COX6B1: variants seen among roughly 807,000 people sequenced by gnomAD.
The protein encoded by COX6B1 is cytochrome c oxidase subunit 6B1.
A neutral mutation model predicts 14.0 loss-of-function variants in COX6B1; 2 were observed. The observed-to-expected ratio is 0.14, with a 90% CI of 0.06 to 0.45. The LOEUF (loss-of-function observed/expected upper bound fraction) is 0.45. COX6B1 is among the 20% of genes least tolerant of loss of function. The probability of loss-of-function intolerance (pLI) is 0.98; values close to 1 mark genes in which losing one functional copy is unlikely to be tolerated. For synonymous variants in COX6B1, 30 were observed against 39.7 expected (o/e 0.76, Z 0.92); for missense variants, 81 against 114.2 (o/e 0.71, Z 1.33).
At position 35,658,636 on chromosome 19, in the gene COX6B1, G is replaced by A. The variant is rs368231191; in HGVS notation, c.250G>A (p.Gly84Arg). The A allele has an allele frequency of 7.4e-6, 12 of 1,613,852 alleles. No individual in the cohort carries two copies. Among genetic ancestry groups the A allele is most frequent in the Middle Eastern group, 1.6e-4 (1 of 6,084 alleles). The change falls in exon 4 of 4, where the codon GGG (glycine) becomes AGG (arginine). Residue 84 changes from glycine (G) to arginine (R), a missense_variant. Coordinates refer to ENST00000649813, the MANE Select transcript of COX6B1 (RefSeq NM_001863.5). ...GCAACGGGCTGAAGGCACGTTTCCC[G>A]GGAAGATCTGAACTGGCTGCATCTC... ...DEQRAEGTFP[G>R]KI
Position 35,654,706 on chromosome 19 carries a change from G to C in COX6B1, c.207+35G>C. 1.9e-6 allele frequency: 3 copies of C among 1,594,564 alleles called. No homozygotes were observed. The East Asian group carries it at 6.7e-5, about 36-fold the overall frequency. ...TCCTGCCAGGGCCCTTGGGATGCTG[G>C]GGTGGGGTCTTAGCAGAGGGGAGTG... is the stretch of plus-strand genomic sequence containing the variant. On this transcript the variant is annotated intron_variant, in intron 3 of 3. Coordinates refer to ENST00000649813, the MANE Select transcript of COX6B1 (RefSeq NM_001863.5).
At chr19:35,654,510 A>T in intron 2 of COX6B1, 61 bp from the exon 3 acceptor site, 1 of 1,337,768 alleles carries the variant, frequency 7.5e-7, no homozygotes. Flanking sequence ...CCTACCTCAA[A>T]AAAAAAAAAA....
intron 2 of COX6B1, among the ~76,000 whole-genome samples, chr19:35,651,897 G>A (rs536106868): frequency 5.3e-5 from 8 of 151,584 alleles, no homozygotes; most frequent in African/African-American, 1.9e-4. Context: ...CTGTATGTGT[G>A]TGCGTACTGT....
chr19:35,652,290 C>T (rs1046162546), intron 2 of COX6B1, among the ~76,000 whole-genome samples: 3 of 151,994 alleles, frequency 2.0e-5, no homozygotes, highest in Non-Finnish European at 4.4e-5. Flanking sequence ...CTCGGCCTCC[C>T]AAAATGCTGG....
At chr19:35,652,032 CTTTT>C (rs566646791) in intron 2 of COX6B1, among the ~76,000 whole-genome samples, 1 of 142,990 alleles carries the variant, frequency 7.0e-6, no homozygotes. Flanking sequence ...TCCCTGCCTT[CTTTT>C]TTTTTTTTTT....
chr19:35,651,171 G>T, intron 1 of COX6B1, 62 bp from the exon 2 acceptor site: 1 of 971,042 alleles, frequency 1.0e-6, no homozygotes, highest in South Asian at 1.3e-5. Flanking sequence ...ATTGATCCTG[G>T]GTAGTCTGGC....
At chr19:35,649,910 T>C (rs563070577) in intron 1 of COX6B1, among the ~76,000 whole-genome samples, 1 of 152,070 alleles carries the variant, frequency 6.6e-6, no homozygotes, top group East Asian at 1.9e-4. Context: ...GTGTGAACCA[T>C]TGTGCTCCAC....
At chr19:35,649,507 C>A (rs1967800689) in intron 1 of COX6B1, among the ~76,000 whole-genome samples, 2 of 148,316 alleles carry the variant, frequency 1.3e-5, no homozygotes, top group Non-Finnish European at 3.0e-5. Flanking sequence ...GAGACAAGAT[C>A]TTGCTGTATC....
chr19:35,657,251 G>A (rs991406185), intron 3 of COX6B1, among the ~76,000 whole-genome samples: 2 of 151,476 alleles, frequency 1.3e-5, no homozygotes, highest in Admixed American at 6.6e-5. Context: ...AGATCATCAG[G>A]CATTAGATTC....
rs1967822637 is a variant in COX6B1, at chr19:35,651,354, G to T, written c.106+5G>T. On this transcript the variant is annotated splice_donor_5th_base_variant and intron_variant, in intron 2 of 3. Coordinates refer to ENST00000649813, the MANE Select transcript of COX6B1 (RefSeq NM_001863.5). The stretch of plus-strand genomic sequence containing the variant: ...ACTGCTGGCAGAACTACCTGGGTAA[G>T]CAGGACCTTTCCCTGGCCACATACC... 1 of 1,611,170 alleles carries T rather than the reference G, an allele frequency of 6.2e-7. No homozygotes were observed. The highest frequency in any genetic ancestry group is 1.1e-5 in the South Asian group (1 of 91,022).
intron 2 of COX6B1, among the ~76,000 whole-genome samples, chr19:35,653,311 TG>T (rs1967850603): frequency 7.0e-6 from 1 of 143,790 alleles, no homozygotes; most frequent in African/African-American, 2.6e-5. Context: ...CTCGCTCTGT[TG>T]CCCAGGCTGG....
chr19:35,651,373 A>G (rs1394903322), intron 2 of COX6B1, 24 bp downstream of exon 2: 3 of 1,573,060 alleles, frequency 1.9e-6, no homozygotes, highest in Non-Finnish European at 2.6e-6. Context: ...TTCCCTGGCC[A>G]CATACCTCGA....
intron 3 of COX6B1, among the ~76,000 whole-genome samples, chr19:35,657,541 G>T (rs1057133970): frequency 3.3e-5 from 5 of 151,744 alleles, no homozygotes; most frequent in Non-Finnish European, 7.4e-5. Context: ...ATGTGAGCGT[G>T]TATGTATATA....
At chr19:35,652,958 C>A (rs1327983444) in intron 2 of COX6B1, among the ~76,000 whole-genome samples, 1 of 149,224 alleles carries the variant, frequency 6.7e-6, no homozygotes. Flanking sequence ...GCCACCACAC[C>A]CAGCTAATTT....
In COX6B1 at chr19:35,649,347, G is replaced by A. The variant is rs147460971; in HGVS notation, c.-12+944G>A. ...TTGTTTTTCTCCTTTTTTGAGACAG[G>A]GTCACTGTGTCACCCAGGCTGGCGT... On this transcript the variant is annotated intron_variant, in intron 1 of 3. Coordinates refer to ENST00000649813, the MANE Select transcript of COX6B1 (RefSeq NM_001863.5). Among the ~76,000 whole-genome samples the A allele has an allele frequency of 3.3e-5, 5 of 151,396 alleles. No individual in the cohort carries two copies. In the East Asian group the frequency reaches 9.6e-4, roughly 29 times the overall value.
At chr19:35,650,895 C>T (rs1353479950) in intron 1 of COX6B1, among the ~76,000 whole-genome samples, 1 of 152,024 alleles carries the variant, frequency 6.6e-6, no homozygotes, top group Non-Finnish European at 1.5e-5. Flanking sequence ...CTCGTCTGGG[C>T]AATGGTGATA....
rs546097322 is a variant in COX6B1, at chr19:35,649,873, C to G, written c.-11-1360C>G. ...CTGGGCTCAAGCGATCCTCCCACCT[C>G]AGCATTCCAAAGTGCTGGGATTACA... On this transcript the variant is annotated intron_variant, in intron 1 of 3. Transcript: ENST00000649813. Among the ~76,000 whole-genome samples the G allele has an allele frequency of 1.3e-4, 20 of 152,116 alleles. No individual in the cohort carries two copies. The South Asian group carries it at 3.5e-3, about 27-fold the overall frequency.
intron 3 of COX6B1, among the ~76,000 whole-genome samples, chr19:35,656,214 G>T (rs2146373338): frequency 6.6e-6 from 1 of 152,302 alleles, no homozygotes; most frequent in African/African-American, 2.4e-5. Context: ...GTACAAAGAT[G>T]CCCATTGCAG....
chr19:35,658,273 C>T (rs1182027588), intron 3 of COX6B1, among the ~76,000 whole-genome samples: 1 of 152,074 alleles, frequency 6.6e-6, no homozygotes, highest in Non-Finnish European at 1.5e-5. Context: ...TTTGGACAAA[C>T]AGCATAGTGT....
Sources: gnomAD v4.1 joint callset for allele counts (sites outside exome capture counted in the v4.1 genomes callset) on GRCh38, gnomAD v4.1.1 for gene constraint, MANE v1.5 for transcripts, NCBI Gene and HGNC (gene_info 2026-07-23, HGNC 2026-07-21) for gene names.